The following LRP1B variants were observed in gnomAD, a reference collection of about 807,000 sequenced individuals.
LRP1B encodes LDL receptor related protein 1B, also known as low-density lipoprotein receptor-related protein 1B.
In LRP1B, 217 loss-of-function variants were observed where a neutral mutation model predicts 556.6. That is an observed-to-expected ratio of 0.39 (90% CI 0.35 to 0.44). The LOEUF is 0.44. LRP1B is among the 20% of genes least tolerant of loss of function. The pLI is 1.00. For missense variants in LRP1B, 5,053 were observed against 5,620.8 expected (o/e 0.90, Z 3.23); for synonymous variants, 2,047 against 1,865.8 (o/e 1.10, Z -2.50).
chr2:142,067,265 T>A (rs564924968), intron 1 of LRP1B, among the ~76,000 whole-genome samples: 116 of 151,608 alleles, frequency 7.7e-4, no homozygotes, highest in African/African-American at 2.7e-3. Flanking sequence ...TGTAAGGTAA[T>A]ATATTTATAG....
At position 140,314,906 on chromosome 2, in the gene LRP1B, GTGAAATACAATGACAA is replaced by G; in HGVS notation, c.12805+13_12805+28del. On this transcript the variant is annotated intron_variant, in intron 83 of 90. Transcript: ENST00000389484. ...ATATATAAGGAAAAGTGAAAAAGAT[GTGAAATACAATGACAA>G]TGAAATATTTACCTAGAACTGATGG... 6.6e-7 allele frequency: 1 copy of G among 1,523,968 alleles called. No individual in the cohort carries two copies. The allele number at this position is 1,523,968 out of a possible 1,614,324, so 94.4% of individuals were successfully genotyped here. A position where few individuals can be genotyped will look rare whatever the true frequency, so the allele number is the denominator to read the frequency against.
intron 87 of LRP1B, among the ~76,000 whole-genome samples, chr2:140,240,410 T>G (rs959679217): frequency 4.0e-5 from 6 of 150,714 alleles, no homozygotes; most frequent in Non-Finnish European, 7.4e-5. Context: ...GGAGGAGACT[T>G]GGTTTTCTAT....
intron 1 of LRP1B, among the ~76,000 whole-genome samples, chr2:141,978,037 G>T (rs896436960): frequency 6.6e-6 from 1 of 151,852 alleles, no homozygotes. Context: ...TGAACAACTC[G>T]CAAACCACAT....
intron 1 of LRP1B, among the ~76,000 whole-genome samples, chr2:142,037,974 G>A (rs1225573686): frequency 8.6e-5 from 13 of 151,402 alleles, no homozygotes; most frequent in Admixed American, 8.6e-4. Context: ...ACCTAACGAG[G>A]CAGCTATTCC....
At chr2:141,059,162 C>T (rs1525580) in intron 8 of LRP1B, 108 bp from the exon 9 acceptor site, 358,771 of 671,332 alleles carry the variant, frequency 0.53, 98,792 homozygotes, top group Non-Finnish European at 0.58. Flanking sequence ...AGCAGAAGAA[C>T]CGCAAGGATG....
intron 1 of LRP1B, among the ~76,000 whole-genome samples, chr2:141,908,289 T>A (rs529961966): frequency 6.6e-6 from 1 of 152,190 alleles, no homozygotes; most frequent in African/African-American, 2.4e-5. Context: ...TCATAAGCAC[T>A]AAGTTTACAC....
chr2:140,580,872 G>A (rs982027809), intron 43 of LRP1B, among the ~76,000 whole-genome samples: 1 of 152,172 alleles, frequency 6.6e-6, no homozygotes, highest in Non-Finnish European at 1.5e-5. Context: ...TCCTGGATGT[G>A]TCAATTTGTT....
At chr2:140,679,080 C>T (rs1685773491) in intron 41 of LRP1B, among the ~76,000 whole-genome samples, 1 of 151,946 alleles carries the variant, frequency 6.6e-6, no homozygotes, top group Non-Finnish European at 1.5e-5. Context: ...CCCGGCCAGG[C>T]CTCTCTCTTT....
chr2:140,428,402 C>A (rs1685759059), intron 66 of LRP1B, among the ~76,000 whole-genome samples: 1 of 152,190 alleles, frequency 6.6e-6, no homozygotes, highest in Non-Finnish European at 1.5e-5. Context: ...CCGCCTCCCC[C>A]AGGAGCTTGC....
At chr2:142,011,529 C>T (rs1023884864) in intron 1 of LRP1B, among the ~76,000 whole-genome samples, 2 of 152,136 alleles carry the variant, frequency 1.3e-5, no homozygotes, top group Admixed American at 6.5e-5. Flanking sequence ...TTTTGACAAT[C>T]CCAGACTATT....
chr2:141,492,929 G>A (rs1462109198), intron 2 of LRP1B, among the ~76,000 whole-genome samples: 1 of 152,026 alleles, frequency 6.6e-6, no homozygotes, highest in African/African-American at 2.4e-5. Flanking sequence ...CTCTGAAAAC[G>A]ATTTTATGAT....
At chr2:141,851,117 T>C (rs1025962045) in intron 1 of LRP1B, among the ~76,000 whole-genome samples, 1 of 59,360 alleles carries the variant, frequency 1.7e-5, no homozygotes, top group Non-Finnish European at 3.4e-5. Context: ...TTGTTTTCAG[T>C]CTTTATTATA....
At chr2:140,354,643 A>G (rs568277348) in intron 75 of LRP1B, among the ~76,000 whole-genome samples, 1 of 151,898 alleles carries the variant, frequency 6.6e-6, no homozygotes, top group African/African-American at 2.4e-5. Context: ...GATTTCATAC[A>G]ACCTCAACTT....
At chr2:141,985,780 A>C (rs1280523254) in intron 1 of LRP1B, among the ~76,000 whole-genome samples, 1 of 151,986 alleles carries the variant, frequency 6.6e-6, no homozygotes. Flanking sequence ...ATTAAGCTTC[A>C]GTTTGAAATT....
chr2:140,527,711 A>G (rs910431055), intron 47 of LRP1B, among the ~76,000 whole-genome samples: 1 of 151,992 alleles, frequency 6.6e-6, no homozygotes, highest in Non-Finnish European at 1.5e-5. Flanking sequence ...CTATAAGAGC[A>G]AAACCTCTTT....
In LRP1B at chr2:140,544,803, A is replaced by G. The variant is rs145448254; in HGVS notation, c.7195-2832T>C. Among the ~76,000 whole-genome samples the G allele has an allele frequency of 6.5e-3, 991 of 152,238 alleles. 11 individuals carry two copies. The highest frequency in any genetic ancestry group is 0.023 in the African/African-American group (952 of 41,556). On this transcript the variant is annotated intron_variant, in intron 43 of 90. Coordinates refer to ENST00000389484, the MANE Select transcript of LRP1B (RefSeq NM_018557.3). ...AACATCCATGTGCATGTATCTTTAC[A>G]ATAGAATGATTTATATTCCTTTGGG...
chr2:140,570,204 T>A (rs1681273543), intron 43 of LRP1B, among the ~76,000 whole-genome samples: 1 of 150,376 alleles, frequency 6.6e-6, no homozygotes, highest in Admixed American at 6.6e-5. Context: ...TAAATGAAAT[T>A]GAAAATAAAA....
intron 43 of LRP1B, among the ~76,000 whole-genome samples, chr2:140,550,239 G>C (rs1003899998): frequency 6.6e-6 from 1 of 152,018 alleles, no homozygotes; most frequent in African/African-American, 2.4e-5. Flanking sequence ...TTCTTCATCT[G>C]TTTTCTTTTC....
At chr2:141,875,600 A>G (rs527465129) in intron 1 of LRP1B, among the ~76,000 whole-genome samples, 1 of 152,010 alleles carries the variant, frequency 6.6e-6, no homozygotes, top group South Asian at 2.1e-4. Flanking sequence ...CAATTATTCA[A>G]TTTCATAAAG....
Sources: allele counts gnomAD v4.1 joint callset (sites outside exome capture counted in the v4.1 genomes callset), GRCh38; gene constraint gnomAD v4.1.1; transcripts MANE v1.5; gene names NCBI Gene and HGNC (gene_info 2026-07-23, HGNC 2026-07-21).